The following TTLL11 variants were observed in gnomAD, a reference collection of about 807,000 sequenced individuals.
TTLL11 encodes tubulin tyrosine ligase like 11.
TTLL11 carries 42 observed loss-of-function variants against 51.7 expected under a neutral mutation model. The observed-to-expected ratio is 0.81, with a 90% confidence interval of 0.64 to 1.05. The LOEUF is 1.05. TTLL11 is among the 50% of genes least tolerant of loss of function. TTLL11 has a pLI of 0.00. For missense variants in TTLL11, 799 were observed against 940.4 expected, an observed-to-expected ratio of 0.85 and a Z score of 1.97; for synonymous variants, 381 against 383.5, an observed-to-expected ratio of 0.99 and a Z score of 0.08.
At chr9:122,026,915 A>G (rs1420575115) in intron 3 of TTLL11, among the ~76,000 whole-genome samples, 2 of 149,992 alleles carry the variant, frequency 1.3e-5, no homozygotes, top group Non-Finnish European at 1.5e-5. Context: ...ATTCTAAAAA[A>G]AAAAAAAAAA....
At chr9:121,973,950 T>C in intron 6 of TTLL11, 59 bp downstream of exon 6, 1 of 1,292,436 alleles carries the variant, frequency 7.7e-7, no homozygotes, top group Non-Finnish European at 1.1e-6. Flanking sequence ...CTGCTTAGGA[T>C]ACGAAGCCGG....
chr9:121,988,611 TTTC>T (rs1228733989), intron 4 of TTLL11, among the ~76,000 whole-genome samples: 1 of 152,208 alleles, frequency 6.6e-6, no homozygotes, highest in Non-Finnish European at 1.5e-5. Flanking sequence ...TCAACTGCTA[TTTC>T]TTCTGGGAAG....
chr9:121,883,919 T>G (rs1452293223), intron 6 of TTLL11, among the ~76,000 whole-genome samples: 1 of 152,182 alleles, frequency 6.6e-6, no homozygotes, highest in East Asian at 1.9e-4. Context: ...TGCCACTTCC[T>G]GGCTGACTGA....
At chr9:122,087,542 AG>A (rs1846156981) in intron 1 of TTLL11, among the ~76,000 whole-genome samples, 2 of 152,214 alleles carry the variant, frequency 1.3e-5, no homozygotes, top group African/African-American at 4.8e-5. Flanking sequence ...ATCTCAGGAC[AG>A]GGGCTTATTC....
At position 121,908,561 on chromosome 9, in the gene TTLL11, TA is replaced by T. The variant is rs149335218; in HGVS notation, c.1482-37814del. Among the ~76,000 whole-genome samples the T allele has an allele frequency of 3.2e-4, 49 of 152,366 alleles. No homozygotes were observed. In the East Asian group the frequency reaches 7.7e-3, roughly 24 times the overall value. ...TTGACAGCCCTGCGCTGGGAATTCA[TA>T]AAATATTCAAGTAACTAATAAAGTC... On this transcript the variant is annotated intron_variant, in intron 6 of 8. Transcript: ENST00000321582.
chr9:122,011,377 A>C (rs538070095), intron 3 of TTLL11, among the ~76,000 whole-genome samples: 43 of 152,340 alleles, frequency 2.8e-4, no homozygotes, highest in African/African-American at 1.0e-3. Flanking sequence ...TCCATCTTAT[A>C]GGTGTAATGT....
intron 6 of TTLL11, among the ~76,000 whole-genome samples, chr9:121,938,042 C>G (rs1841297648): frequency 3.3e-5 from 5 of 152,152 alleles, no homozygotes; most frequent in Admixed American, 2.6e-4. Flanking sequence ...GTAATCCCAG[C>G]ACTTTGGGAG....
intron 8 of TTLL11, among the ~76,000 whole-genome samples, chr9:121,836,642 G>T (rs571788768): frequency 2.6e-5 from 4 of 152,332 alleles, no homozygotes; most frequent in African/African-American, 9.6e-5. Context: ...GCCAGCCCTG[G>T]CTGACTCCTC....
At chr9:122,059,913 G>A (rs1845397242) in intron 1 of TTLL11, among the ~76,000 whole-genome samples, 1 of 152,022 alleles carries the variant, frequency 6.6e-6, no homozygotes, top group Non-Finnish European at 1.5e-5. Context: ...TGTCAGCCAG[G>A]GACCACACTC....
chr9:122,045,405 T>A (rs1470961250), intron 1 of TTLL11, among the ~76,000 whole-genome samples: 1 of 152,018 alleles, frequency 6.6e-6, no homozygotes, highest in African/African-American at 2.4e-5. Context: ...ATACAAAAAT[T>A]AGCCGGGCGT....
intron 8 of TTLL11, among the ~76,000 whole-genome samples, chr9:121,834,331 A>G (rs1181828766): frequency 6.6e-6 from 1 of 152,174 alleles, no homozygotes; most frequent in Non-Finnish European, 1.5e-5. Flanking sequence ...TCCCAGGGAG[A>G]AGGCATTCAG....
chr9:121,885,517 C>A (rs1013239264), intron 6 of TTLL11: 1 of 152,248 alleles, frequency 6.6e-6, no homozygotes, highest in Admixed American at 6.5e-5. Context: ...CTCACCACGA[C>A]CCTTTGAGGT....
chr9:121,836,748 G>A (rs7854651), intron 8 of TTLL11, among the ~76,000 whole-genome samples: 71,131 of 151,954 alleles, frequency 0.47, 17,927 homozygotes, highest in East Asian at 0.74. Flanking sequence ...GGGGGTGTTA[G>A]AACACAAAGG....
At chr9:121,993,413 A>G (rs1167198141) in intron 3 of TTLL11, among the ~76,000 whole-genome samples, 2 of 152,180 alleles carry the variant, frequency 1.3e-5, no homozygotes, top group African/African-American at 2.4e-5. Context: ...TTTAGTCCCA[A>G]TTGTTTCTGA....
chr9:121,934,828 G>T (rs1310276986), intron 6 of TTLL11, among the ~76,000 whole-genome samples: 1 of 152,128 alleles, frequency 6.6e-6, no homozygotes, highest in Non-Finnish European at 1.5e-5. Flanking sequence ...TTTAAAAAAA[G>T]GTTTTTTACT....
At chr9:121,932,863 A>G (rs1440658021) in intron 6 of TTLL11, among the ~76,000 whole-genome samples, 1 of 152,204 alleles carries the variant, frequency 6.6e-6, no homozygotes, top group Non-Finnish European at 1.5e-5. Context: ...GCGATTTCCA[A>G]CTACAAGAGA....
chr9:121,820,262 C>A lies in TTLL11; in HGVS notation c.*2325G>T, dbSNP rs990475376. Among the ~76,000 whole-genome samples, 2 of 152,208 alleles carry A rather than the reference C, an allele frequency of 1.3e-5. No homozygotes were observed. Among genetic ancestry groups the A allele is most frequent in the Admixed American group, 1.3e-4 (2 of 15,286 alleles). Reference sequence around the variant, plus strand: ...GTTGGTTTTAGACCTGAACATTGCGCTCCACTTTGGCAAGCGAGTACTTTC... The same window carrying A: ...GTTGGTTTTAGACCTGAACATTGCGATCCACTTTGGCAAGCGAGTACTTTC... On this transcript the variant is annotated 3_prime_UTR_variant, in exon 9 of 9. Transcript: ENST00000321582.
At chr9:121,939,280 T>G (rs1276205060) in intron 6 of TTLL11, among the ~76,000 whole-genome samples, 1 of 152,108 alleles carries the variant, frequency 6.6e-6, no homozygotes, top group African/African-American at 2.4e-5. Context: ...ATAACTAGGG[T>G]TTATAAAGGA....
At chr9:121,858,516 A>C (rs1695261461) in intron 8 of TTLL11, among the ~76,000 whole-genome samples, 2 of 152,202 alleles carry the variant, frequency 1.3e-5, no homozygotes, top group Admixed American at 6.5e-5. Flanking sequence ...CAGGAGCATC[A>C]CTACTAAACA....
Sources: allele counts gnomAD v4.1 joint callset (sites outside exome capture counted in the v4.1 genomes callset), GRCh38; gene constraint gnomAD v4.1.1; transcripts MANE v1.5; gene names NCBI Gene and HGNC (gene_info 2026-07-23, HGNC 2026-07-21).